ADGRL3: variants seen among roughly 807,000 people sequenced by gnomAD.
ADGRL3 encodes the protein adhesion G protein-coupled receptor L3.
ADGRL3 carries 62 observed loss-of-function variants against 153.5 expected under a neutral mutation model. That is an observed-to-expected ratio of 0.40 (90% CI 0.33 to 0.50). ADGRL3 has a LOEUF of 0.50. Ranked by LOEUF, ADGRL3 falls within the 20% of genes least tolerant of loss-of-function variation. The pLI is 0.47. For missense variants in ADGRL3, 1,641 were observed against 1,859.4 expected, an observed-to-expected ratio of 0.88 and a Z score of 2.16; for synonymous variants, 710 against 672.5, an observed-to-expected ratio of 1.06 and a Z score of -0.86.
At chr4:61,701,768 A>G (rs1215905985) in intron 6 of ADGRL3, among the ~76,000 whole-genome samples, 2 of 152,040 alleles carry the variant, frequency 1.3e-5, no homozygotes, top group Non-Finnish European at 2.9e-5. Flanking sequence ...TAACTTCATG[A>G]TAGCTTAGAA....
intron 9 of ADGRL3, among the ~76,000 whole-genome samples, chr4:61,856,950 C>CTTTCTTTCTTTCTT (rs767375117): frequency 1.8e-5 from 1 of 56,970 alleles, no homozygotes; most frequent in Non-Finnish European, 3.5e-5. Context: ...CTTTCTTCTT[C>CTTTCTTTCTTTCTT]TCTTTCTTTC....
chr4:61,662,493 T>C (rs897682792), intron 5 of ADGRL3, among the ~76,000 whole-genome samples: 2 of 152,328 alleles, frequency 1.3e-5, no homozygotes, highest in South Asian at 2.1e-4. Flanking sequence ...CCTGCTGCCT[T>C]GGCCCCCTCC....
chr4:61,218,762 C>T (rs752824205), intron 1 of ADGRL3, among the ~76,000 whole-genome samples: 17 of 152,160 alleles, frequency 1.1e-4, no homozygotes, highest in Non-Finnish European at 1.9e-4. Context: ...AAGAAAGGAG[C>T]TCAGTTCTTG....
intron 4 of ADGRL3, among the ~76,000 whole-genome samples, chr4:61,519,479 G>C (rs190459587): frequency 1.3e-5 from 2 of 152,262 alleles, no homozygotes; most frequent in Non-Finnish European, 2.9e-5. Flanking sequence ...GTGTTAATCT[G>C]TCATGATGAG....
chr4:62,031,049 A>C (rs577307566), intron 22 of ADGRL3, among the ~76,000 whole-genome samples: 168 of 151,702 alleles, frequency 1.1e-3, no homozygotes, highest in African/African-American at 3.9e-3. Flanking sequence ...CAGAAGAAGC[A>C]CTAATAGAGG....
At chr4:61,776,751 T>C (rs1310028122) in intron 8 of ADGRL3, among the ~76,000 whole-genome samples, 1 of 152,196 alleles carries the variant, frequency 6.6e-6, no homozygotes, top group African/African-American at 2.4e-5. Context: ...TCCTCTGTAT[T>C]AAGAAAAAGA....
intron 17 of ADGRL3, among the ~76,000 whole-genome samples, chr4:61,974,687 A>G (rs1266505284): frequency 6.6e-6 from 1 of 152,218 alleles, no homozygotes; most frequent in African/African-American, 2.4e-5. Flanking sequence ...AATTGAAGTG[A>G]CAAGATTAAA....
intron 9 of ADGRL3, among the ~76,000 whole-genome samples, chr4:61,869,936 T>G (rs1581225606): frequency 9.5e-5 from 1 of 10,500 alleles, no homozygotes; most frequent in Non-Finnish European, 2.6e-4. Context: ...AAAACTTTGT[T>G]AAAAAAAAAA....
intron 8 of ADGRL3, among the ~76,000 whole-genome samples, chr4:61,738,384 G>A (rs1043773772): frequency 3.9e-5 from 6 of 152,060 alleles, no homozygotes; most frequent in African/African-American, 1.4e-4. Flanking sequence ...GTAAACATAC[G>A]TGTGCAAGTA....
intron 19 of ADGRL3, among the ~76,000 whole-genome samples, chr4:61,985,026 CA>C (rs1216924137): frequency 4.6e-5 from 7 of 151,320 alleles, no homozygotes; most frequent in Non-Finnish European, 7.4e-5. Flanking sequence ...ATATATGGGC[CA>C]AATGAAAGGG....
At chr4:61,345,854 A>G (rs1306200634) in intron 1 of ADGRL3, among the ~76,000 whole-genome samples, 3 of 152,206 alleles carry the variant, frequency 2.0e-5, no homozygotes, top group South Asian at 2.1e-4. Flanking sequence ...TAGACAGTCT[A>G]TAAAATTTGC....
rs182791550 is a variant in ADGRL3 at position 61,982,184 on chromosome 4, A to G, written c.3016-1199A>G. On this transcript the variant is annotated intron_variant, in intron 18 of 26. Coordinates refer to ENST00000683033, the MANE Select transcript of ADGRL3 (RefSeq NM_001387552.1). ...TCTTATTTTTGTTTCCTGATGTTAT[A>G]TATGGTATGAAAAACTTCGCCAAAT... Among the ~76,000 whole-genome samples, 27 of 152,284 alleles carry G rather than the reference A, an allele frequency of 1.8e-4. No homozygotes were observed. In the East Asian group the frequency reaches 5.2e-3, roughly 29 times the overall value.
intron 4 of ADGRL3, among the ~76,000 whole-genome samples, chr4:61,581,304 G>C (rs2098924006): frequency 6.6e-6 from 1 of 151,898 alleles, no homozygotes; most frequent in South Asian, 2.1e-4. Flanking sequence ...GGTCCTCTGG[G>C]TGCACGTGCA....
chr4:61,901,200 C>A (rs2098662542), intron 11 of ADGRL3, among the ~76,000 whole-genome samples: 1 of 152,166 alleles, frequency 6.6e-6, no homozygotes, highest in African/African-American at 2.4e-5. Flanking sequence ...TGAGAATAGT[C>A]TCTTCCTATT....
intron 13 of ADGRL3, among the ~76,000 whole-genome samples, chr4:61,932,279 T>G (rs2098820748): frequency 6.6e-6 from 1 of 152,096 alleles, no homozygotes; most frequent in South Asian, 2.1e-4. Context: ...AGGGAAAGCT[T>G]TCAGGTTTTC....
At chr4:61,638,933 C>T (rs1268717125) in intron 5 of ADGRL3, among the ~76,000 whole-genome samples, 4 of 152,062 alleles carry the variant, frequency 2.6e-5, no homozygotes, top group East Asian at 1.9e-4. Flanking sequence ...TTTGAGTGGT[C>T]CCATGTCTCA....
At chr4:61,518,604 C>T (rs962459210) in intron 4 of ADGRL3, among the ~76,000 whole-genome samples, 1 of 152,190 alleles carries the variant, frequency 6.6e-6, no homozygotes, top group Non-Finnish European at 1.5e-5. Context: ...GGCCACGAGG[C>T]AGAGTAAGAG....
At chr4:61,677,173 A>G in intron 6 of ADGRL3, 1 of 418,640 alleles carries the variant, frequency 2.4e-6, no homozygotes, top group East Asian at 4.3e-5. Context: ...GTTCTAACAC[A>G]CTTTTCTTAA....
chr4:61,596,681 C>T (rs937018861), intron 5 of ADGRL3, among the ~76,000 whole-genome samples: 2 of 152,032 alleles, frequency 1.3e-5, no homozygotes, highest in African/African-American at 4.8e-5. Flanking sequence ...GGTGAGACCT[C>T]GTCTCTACCA....
Sources: gnomAD v4.1 joint callset for allele counts (sites outside exome capture counted in the v4.1 genomes callset) on GRCh38, gnomAD v4.1.1 for gene constraint, MANE v1.5 for transcripts, NCBI Gene and HGNC (gene_info 2026-07-23, HGNC 2026-07-21) for gene names.